Variants in GNB5 observed in about 807,000 individuals in gnomAD.
The protein encoded by GNB5 is guanine nucleotide-binding protein subunit beta-5.
In GNB5, 37 loss-of-function variants were observed where a neutral mutation model predicts 55.3. The ratio of observed to expected loss-of-function variants is 0.67; its 90% CI spans 0.51 to 0.88. The LOEUF (loss-of-function observed/expected upper bound fraction) is 0.88. Ranked by LOEUF, GNB5 falls within the 40% of genes least tolerant of loss-of-function variation. The pLI, the probability that GNB5 is intolerant of heterozygous loss-of-function variation, is 0.00. For synonymous variants in GNB5, 219 were observed against 198.5 expected, an observed-to-expected ratio of 1.10 and a Z score of -0.87; for missense variants, 476 against 515.3, an observed-to-expected ratio of 0.92 and a Z score of 0.74.
intron 3 of GNB5, among the ~76,000 whole-genome samples, chr15:52,176,702 C>T (rs915747231): frequency 1.3e-5 from 2 of 152,190 alleles, no homozygotes; most frequent in Admixed American, 6.5e-5. Context: ...GTCAAGAACT[C>T]TTACCCCAGG....
rs776406670 is a variant in GNB5, at chr15:52,154,058, C to T, written c.257G>A (p.Arg86Gln). ...GACAAACTGCCCCAGGGCCTCCACC[C>T]GCTCCGCCACCTGGTGCACTGGAAT... ...HDVELHQVAE[R>Q]VEALGQFVMK... The change falls in exon 4 of 13, where the codon CGG (arginine) becomes CAG (glutamine). Residue 86 changes from arginine (R) to glutamine (Q), a missense_variant. Arg to Gln is a conservative substitution (Grantham distance 43, BLOSUM62 1). Coordinates refer to ENST00000261837, the MANE Select transcript of GNB5 (RefSeq NM_016194.4). 20 of 1,614,056 alleles carry T rather than the reference C, an allele frequency of 1.2e-5. No homozygotes were observed. The highest frequency in any genetic ancestry group is 1.6e-4 in the Middle Eastern group (1 of 6,062).
chr15:52,144,885 T>C lies in GNB5; in HGVS notation c.494+2574A>G, dbSNP rs576675948. Among the ~76,000 whole-genome samples the C allele has an allele frequency of 3.3e-5, 5 of 152,290 alleles. No individual in the cohort carries two copies. The South Asian group carries it at 8.3e-4, about 25-fold the overall frequency. On this transcript the variant is annotated intron_variant, in intron 6 of 12. Coordinates refer to ENST00000261837, the MANE Select transcript of GNB5 (RefSeq NM_016194.4). The stretch of plus-strand genomic sequence containing the variant: ...GTCAGTGACCACACCAGGGAGACGA[T>C]GACTCGCAGCTCCATGTCTGGATGC...
intron 7 of GNB5, among the ~76,000 whole-genome samples, chr15:52,140,542 C>T (rs1382030782): frequency 6.6e-6 from 1 of 152,158 alleles, no homozygotes; most frequent in Non-Finnish European, 1.5e-5. Context: ...GCTTTTGGCC[C>T]CAGAGCCACG....
At position 52,122,058 on chromosome 15, in the gene GNB5, G is replaced by C. The variant is rs2033282960; in HGVS notation, c.*699C>G. The C allele has an allele frequency of 6.6e-6, 1 of 152,098 alleles. No homozygotes were observed. 9.4% of individuals were successfully genotyped at this position (152,098 alleles called of 1,614,324 possible). On this transcript the variant is annotated 3_prime_UTR_variant, in exon 13 of 13. Coordinates refer to ENST00000261837, the MANE Select transcript of GNB5 (RefSeq NM_016194.4). Reference sequence around the variant, plus strand: ...CACCATTGGCTTTCCCTTCAATTCAGAGAAAACGCCCTGTCCAAGTGGCAC... The same window carrying C: ...CACCATTGGCTTTCCCTTCAATTCACAGAAAACGCCCTGTCCAAGTGGCAC...
At chr15:52,134,854 G>C (rs2033663032) in intron 8 of GNB5, among the ~76,000 whole-genome samples, 1 of 152,064 alleles carries the variant, frequency 6.6e-6, no homozygotes. Context: ...CTTATTCTCA[G>C]GCTGGCCCCA....
In GNB5 at chr15:52,119,858, G is replaced by A. The variant is rs1273663936; in HGVS notation, c.*2899C>T. ...GCTGGCCTGGCAACTATGAGAGCCCGGGACACAAAGGCCCTTACAACCCTG... is the reference window on the plus strand; with the variant it reads ...GCTGGCCTGGCAACTATGAGAGCCCAGGACACAAAGGCCCTTACAACCCTG... On this transcript the variant is annotated 3_prime_UTR_variant, in exon 13 of 13. Transcript: ENST00000261837. The A allele has an allele frequency of 6.6e-6, 1 of 152,148 alleles. No individual in the cohort carries two copies. The highest frequency in any genetic ancestry group is 1.5e-5 in the Non-Finnish European group (1 of 68,110). The allele number at this position is 152,148 out of a possible 1,614,324, so 9.4% of individuals were successfully genotyped here. A position where few individuals can be genotyped will look rare whatever the true frequency, so the allele number is the denominator to read the frequency against.
intron 1 of GNB5, among the ~76,000 whole-genome samples, chr15:52,190,182 A>G (rs2034900689): frequency 1.3e-5 from 2 of 150,456 alleles, no homozygotes; most frequent in African/African-American, 2.4e-5. Context: ...CAGTGGCGCA[A>G]TCTCGGCTCA....
chr15:52,159,667 A>G (rs1168296425), intron 3 of GNB5, among the ~76,000 whole-genome samples: 1 of 152,160 alleles, frequency 6.6e-6, no homozygotes, highest in East Asian at 1.9e-4. Context: ...AATCTCTACT[A>G]TGTGCCAAGA....
At chr15:52,152,252 G>A (rs1055471995) in intron 4 of GNB5, among the ~76,000 whole-genome samples, 2 of 151,660 alleles carry the variant, frequency 1.3e-5, no homozygotes, top group African/African-American at 4.8e-5. Context: ...ACCTGCTTTT[G>A]GAAAAACTGA....
intron 3 of GNB5, among the ~76,000 whole-genome samples, chr15:52,163,883 T>A (rs868324974): frequency 1.3e-5 from 2 of 152,162 alleles, no homozygotes; most frequent in African/African-American, 4.8e-5. Context: ...AGGAGCTGGA[T>A]GCCATCTTTG....
Position 52,124,513 on chromosome 15 carries a change from C to T in GNB5, c.1136G>A (p.Gly379Glu). The T allele has an allele frequency of 6.2e-7, 1 of 1,613,984 alleles. No homozygotes were observed. The highest frequency in any genetic ancestry group is 8.5e-7 in the Non-Finnish European group (1 of 1,179,848). ...RVSTLRVSPDGTAFCSGSWDH... is the reference protein window; with the variant it reads ...RVSTLRVSPDETAFCSGSWDH... ...CCATGATCCAGAGCAGAAAGCAGTC[C>T]CATCGGGGGAAACTCGTAGAGTGCT... Residue 379 changes from glycine to glutamate, a missense_variant, in exon 12 of 13, where the codon GGG becomes GAG. By Grantham distance (98) the Gly-to-Glu change is moderately conservative. Transcript: ENST00000261837.
intron 3 of GNB5, among the ~76,000 whole-genome samples, chr15:52,161,097 A>C (rs1010460518): frequency 2.4e-4 from 37 of 152,222 alleles, no homozygotes; most frequent in Middle Eastern, 3.4e-3. Context: ...CTTTATCTCC[A>C]TTTCTACAGA....
intron 3 of GNB5, among the ~76,000 whole-genome samples, chr15:52,175,797 T>C (rs988159126): frequency 6.6e-5 from 10 of 151,258 alleles, no homozygotes; most frequent in African/African-American, 2.2e-4. Context: ...ACACCTGTAA[T>C]CCCAGCACTT....
intron 6 of GNB5, among the ~76,000 whole-genome samples, chr15:52,146,284 G>T (rs953385594): frequency 8.5e-5 from 13 of 152,206 alleles, no homozygotes; most frequent in African/African-American, 3.1e-4. Context: ...TAAAAACATG[G>T]CTGAGATACT....
chr15:52,167,294 T>G (rs2034468474), intron 3 of GNB5, among the ~76,000 whole-genome samples: 1 of 152,086 alleles, frequency 6.6e-6, no homozygotes, highest in Admixed American at 6.6e-5. Flanking sequence ...TCTAAACAAT[T>G]GAAAAGGAGG....
At chr15:52,157,250 CTTT>C (rs74508387) in intron 3 of GNB5, among the ~76,000 whole-genome samples, 1 of 111,088 alleles carries the variant, frequency 9.0e-6, no homozygotes, top group Non-Finnish European at 1.9e-5. Flanking sequence ...TCTTATAGGC[CTTT>C]TTTTTTTTTT....
chr15:52,163,460 T>C (rs116164483), intron 3 of GNB5, among the ~76,000 whole-genome samples: 1 of 152,174 alleles, frequency 6.6e-6, no homozygotes, highest in Admixed American at 6.5e-5. Flanking sequence ...GTGGTAGACG[T>C]TGGAGACGGC....
chr15:52,136,557 G>A (rs989272940), intron 7 of GNB5, among the ~76,000 whole-genome samples: 2 of 152,194 alleles, frequency 1.3e-5, no homozygotes, highest in Non-Finnish European at 2.9e-5. Flanking sequence ...GGCACACTGG[G>A]AGCAGCAGGG....
rs145324322 is a variant in GNB5, at chr15:52,182,297, G to T, written c.126+2254C>A. Among the ~76,000 whole-genome samples the T allele has an allele frequency of 3.7e-3, 564 of 152,282 alleles. 5 individuals carry two copies. Among genetic ancestry groups the T allele is most frequent in the Non-Finnish European group, 6.2e-3 (423 of 68,024 alleles). ...CTTCTCACAAGGGCCATCTCAGGGG[G>T]CCCAGGCAAGGCAGCCTCATCTCAT... On this transcript the variant is annotated intron_variant, in intron 2 of 12. Coordinates refer to ENST00000261837, the MANE Select transcript of GNB5 (RefSeq NM_016194.4).
Sources: allele counts gnomAD v4.1 joint callset (sites outside exome capture counted in the v4.1 genomes callset), GRCh38; gene constraint gnomAD v4.1.1; transcripts MANE v1.5; gene names NCBI Gene and HGNC (gene_info 2026-07-23, HGNC 2026-07-21).